TIMP3: variants seen among roughly 807,000 people sequenced by gnomAD.
TIMP3 encodes TIMP metallopeptidase inhibitor 3.
A neutral mutation model predicts 30.0 loss-of-function variants in TIMP3; 11 were observed. That is an observed-to-expected ratio of 0.37 (90% CI 0.23 to 0.61). TIMP3 has a LOEUF of 0.61. Among genes scored for constraint, TIMP3 ranks in the 20% least tolerant of loss-of-function variants. The pLI is 0.70. For missense variants in TIMP3, 181 were observed against 276.8 expected (o/e 0.65, Z 2.45); for synonymous variants, 112 against 111.3 (o/e 1.01, Z -0.04).
At chr22:32,845,246 G>A (rs1208102979) in intron 1 of TIMP3, among the ~76,000 whole-genome samples, 2 of 152,196 alleles carry the variant, frequency 1.3e-5, no homozygotes, top group African/African-American at 4.8e-5. Flanking sequence ...TTCCAGGCTG[G>A]AGTACGGTGA....
intron 1 of TIMP3, among the ~76,000 whole-genome samples, chr22:32,805,941 G>T (rs2046722589): frequency 6.6e-6 from 1 of 151,836 alleles, no homozygotes; most frequent in South Asian, 2.1e-4. Context: ...TTTAGGGAGG[G>T]AGAGCTTATT....
At position 32,837,154 on chromosome 22, in the gene TIMP3, C is replaced by T. The variant is rs955911469; in HGVS notation, c.122-12298C>T. Among the ~76,000 whole-genome samples the T allele has an allele frequency of 8.5e-5, 13 of 152,298 alleles. No individual in the cohort carries two copies. The highest frequency in any genetic ancestry group is 1.9e-4 in the East Asian group (1 of 5,178). On this transcript the variant is annotated intron_variant, in intron 1 of 4. Coordinates refer to ENST00000266085, the MANE Select transcript of TIMP3 (RefSeq NM_000362.5). This position sits in a 1 kb window ranked among gnomAD's most constrained non-coding sequence, Gnocchi z 4.1. ...AGCTGTTTGGGCTTCAAAAATGCCCCGACCTGAAAGCTGGAAGTTCTGAGA... is the reference window on the plus strand; with the variant it reads ...AGCTGTTTGGGCTTCAAAAATGCCCTGACCTGAAAGCTGGAAGTTCTGAGA...
chr22:32,831,854 C>A (rs542949529), intron 1 of TIMP3, among the ~76,000 whole-genome samples: 9 of 152,244 alleles, frequency 5.9e-5, no homozygotes, highest in South Asian at 4.1e-4. Context: ...TGCACCCCCC[C>A]CAACCTCCAC....
At chr22:32,858,786 A>G (rs2048451446) in intron 4 of TIMP3, among the ~76,000 whole-genome samples, 1 of 152,094 alleles carries the variant, frequency 6.6e-6, no homozygotes, top group Non-Finnish European at 1.5e-5. Flanking sequence ...CTGGTTTCCA[A>G]CCTAGGGCAG....
intron 1 of TIMP3, among the ~76,000 whole-genome samples, chr22:32,829,437 G>T (rs1052005220): frequency 2.0e-5 from 3 of 152,190 alleles, no homozygotes; most frequent in Non-Finnish European, 4.4e-5. Flanking sequence ...GGGGTCCCCG[G>T]GCCTTCGGCA....
intron 1 of TIMP3, among the ~76,000 whole-genome samples, chr22:32,836,912 C>A (rs1221749894): frequency 6.6e-6 from 1 of 152,148 alleles, no homozygotes; most frequent in Admixed American, 6.5e-5. Flanking sequence ...TTGTTCAAAC[C>A]ACAAGAAAGT....
chr22:32,815,379 C>T (rs1272748680), intron 1 of TIMP3, among the ~76,000 whole-genome samples: 1 of 152,184 alleles, frequency 6.6e-6, no homozygotes, highest in Non-Finnish European at 1.5e-5. Context: ...GGTACAGCAG[C>T]TTGGTTTAAG....
In TIMP3 at chr22:32,849,458, G is replaced by C; in HGVS notation, c.128G>C (p.Arg43Pro). 6.2e-7 allele frequency: 1 copy of C among 1,613,530 alleles called. No homozygotes were observed. Among genetic ancestry groups the C allele is most frequent in the Non-Finnish European group, 8.5e-7 (1 of 1,179,788 alleles). The change falls in exon 2 of 5, where the codon CGG becomes CCG. Residue 43 changes from arginine to proline, a missense_variant. This residue lies in a region of TIMP3 where 71 missense variants were observed against 79.7 expected (regional missense o/e 0.89). Coordinates refer to ENST00000266085, the MANE Select transcript of TIMP3 (RefSeq NM_000362.5). ...TCTCCTTCTGTCTCTGCAGTGATCC[G>C]GGCCAAGGTGGTGGGGAAGAAGCTG... Reference protein sequence around the residue: ...DAFCNSDIVIRAKVVGKKLVK... With the variant: ...DAFCNSDIVIPAKVVGKKLVK...
chr22:32,814,399 G>C (rs2047034754), intron 1 of TIMP3, among the ~76,000 whole-genome samples: 1 of 143,904 alleles, frequency 6.9e-6, no homozygotes, highest in Admixed American at 7.2e-5. Flanking sequence ...ATTGGGAGCT[G>C]AGCTTAATGA....
At chr22:32,819,114 T>C (rs1429621459) in intron 1 of TIMP3, among the ~76,000 whole-genome samples, 1 of 152,222 alleles carries the variant, frequency 6.6e-6, no homozygotes, top group Non-Finnish European at 1.5e-5. Context: ...GGGTTTCAGA[T>C]TGCTCAGGGG....
intron 1 of TIMP3, among the ~76,000 whole-genome samples, chr22:32,814,504 G>T (rs962991309): frequency 1.3e-5 from 2 of 152,118 alleles, no homozygotes; most frequent in Non-Finnish European, 2.9e-5. Flanking sequence ...TTTTCTAACG[G>T]AGAAAGACAA....
chr22:32,850,579 G>A (rs2048190435), intron 2 of TIMP3, among the ~76,000 whole-genome samples: 1 of 152,140 alleles, frequency 6.6e-6, no homozygotes, highest in African/African-American at 2.4e-5. Flanking sequence ...GGGAGATACA[G>A]TTTCCATCTT....
intron 1 of TIMP3, among the ~76,000 whole-genome samples, chr22:32,847,493 A>T (rs1203607507): frequency 5.3e-5 from 8 of 152,216 alleles, no homozygotes; most frequent in Non-Finnish European, 1.5e-5. Flanking sequence ...GGGGCCATTG[A>T]TTCATCTGAA....
intron 1 of TIMP3, among the ~76,000 whole-genome samples, chr22:32,822,987 G>A (rs1375187130): frequency 1.3e-5 from 2 of 152,106 alleles, no homozygotes; most frequent in African/African-American, 4.8e-5. Context: ...AGAAGAGTCT[G>A]AATGTCTGTA....
At chr22:32,802,149 G>GC in intron 1 of TIMP3, 27 bp downstream of exon 1, 2 of 1,568,582 alleles carry the variant, frequency 1.3e-6, no homozygotes. Flanking sequence ...CCCCGCCCGA[G>GC]CCCCACGCTG....
chr22:32,856,320 G>T (rs906262209), intron 2 of TIMP3, among the ~76,000 whole-genome samples: 5 of 152,140 alleles, frequency 3.3e-5, no homozygotes, highest in Non-Finnish European at 7.4e-5. Context: ...GGAATGGGGG[G>T]TATGGCTGGC....
intron 1 of TIMP3, among the ~76,000 whole-genome samples, chr22:32,815,591 C>A (rs941123373): frequency 2.6e-5 from 4 of 152,160 alleles, no homozygotes; most frequent in African/African-American, 9.7e-5. Context: ...AAAGCAGCTA[C>A]TATTTGTTGA....
chr22:32,842,582 A>G (rs1330248377), intron 1 of TIMP3, among the ~76,000 whole-genome samples: 1 of 152,198 alleles, frequency 6.6e-6, no homozygotes, highest in Non-Finnish European at 1.5e-5. Context: ...ACCATCAGCA[A>G]TATAACAGTG....
chr22:32,861,033 A>C lies in TIMP3; in HGVS notation c.*1656A>C, dbSNP rs2048521605. 1 of 151,926 alleles carries C rather than the reference A, an allele frequency of 6.6e-6. No homozygotes were observed. The highest frequency in any genetic ancestry group is 2.4e-5 in the African/African-American group (1 of 41,248). The allele number at this position is 151,926 out of a possible 1,614,324, so 9.4% of individuals were successfully genotyped here. A position where few individuals can be genotyped will look rare whatever the true frequency, so the allele number is the denominator to read the frequency against. On this transcript the variant is annotated 3_prime_UTR_variant, in exon 5 of 5. Coordinates refer to ENST00000266085, the MANE Select transcript of TIMP3 (RefSeq NM_000362.5). Reference sequence around the variant, plus strand: ...GTAGGTGATAATGTATATTTTACAGAGTGGGGGTTGGCAGGATGGTGACAT... The same window carrying C: ...GTAGGTGATAATGTATATTTTACAGCGTGGGGGTTGGCAGGATGGTGACAT...
Sources: allele counts gnomAD v4.1 joint callset (sites outside exome capture counted in the v4.1 genomes callset), GRCh38; gene constraint gnomAD v4.1.1; regional missense constraint gnomAD v4.1.1; non-coding constraint Gnocchi (gnomAD v3.1); transcripts MANE v1.5; gene names NCBI Gene and HGNC (gene_info 2026-07-23, HGNC 2026-07-21).